The following AGMO variants were observed in gnomAD, a reference collection of about 807,000 sequenced individuals.
The protein encoded by AGMO is glyceryl-ether monooxygenase.
In AGMO, 75 loss-of-function variants were observed where a neutral mutation model predicts 60.2. That is an observed-to-expected ratio of 1.25 (90% CI 1.03 to 1.51). The LOEUF is 1.51. Ranked by LOEUF, AGMO falls within the 40% of genes most tolerant of loss-of-function variation. The pLI, the probability that AGMO is intolerant of heterozygous loss-of-function variation, is 0.00. For missense variants in AGMO, 763 were observed against 525.5 expected (o/e 1.45, Z -4.42); for synonymous variants, 261 against 177.1 (o/e 1.47, Z -3.76).
intron 3 of AGMO, among the ~76,000 whole-genome samples, chr7:15,463,512 A>T (rs549698704): frequency 1.3e-5 from 2 of 152,334 alleles, no homozygotes; most frequent in Admixed American, 1.3e-4. Flanking sequence ...GTTGTCCTTA[A>T]GATTCTACAG....
chr7:15,204,977 A>T (rs1442885475), intron 12 of AGMO, among the ~76,000 whole-genome samples: 1 of 152,092 alleles, frequency 6.6e-6, no homozygotes, highest in Non-Finnish European at 1.5e-5. Flanking sequence ...GGGACATATC[A>T]TCTCACCCAG....
In AGMO at chr7:15,493,364, TC is replaced by T. The variant is rs1382823879; in HGVS notation, c.409+51407del. Among the ~76,000 whole-genome samples the T allele has an allele frequency of 4.1e-3, 119 of 28,954 alleles. 9 individuals are homozygous for T. The highest frequency in any genetic ancestry group is 0.022 in the African/African-American group (98 of 4,384). 19.0% of individuals were successfully genotyped at this position (28,954 alleles called of 152,430 possible). ...ACACACACACACACACACACACACT[TC>T]TTTTTTTTTTTTTTTTTTTTTTTTT... is the stretch of plus-strand genomic sequence containing the variant. On this transcript the variant is annotated intron_variant, in intron 3 of 12. Transcript: ENST00000342526.
chr7:15,395,816 CTCTT>C (rs1784352375), intron 5 of AGMO, among the ~76,000 whole-genome samples: 1 of 152,154 alleles, frequency 6.6e-6, no homozygotes, highest in African/African-American at 2.4e-5. Context: ...TAATACAAAA[CTCTT>C]TATCTAGGAG....
chr7:15,320,877 A>C (rs1221256678), intron 12 of AGMO, among the ~76,000 whole-genome samples: 1 of 152,204 alleles, frequency 6.6e-6, no homozygotes, highest in African/African-American at 2.4e-5. Context: ...TGGATGGTAT[A>C]ACTTTAGTTT....
the AGMO span, among the ~76,000 whole-genome samples, chr7:15,195,215 T>C: frequency 4.6e-5 from 7 of 152,158 alleles, no homozygotes; most frequent in African/African-American, 1.7e-4. Flanking sequence ...GATAGATACC[T>C]GAGGTTCCTT....
intron 12 of AGMO, among the ~76,000 whole-genome samples, chr7:15,274,896 T>C (rs1442238878): frequency 3.3e-5 from 5 of 152,026 alleles, no homozygotes; most frequent in African/African-American, 9.7e-5. Flanking sequence ...TCAGTTGTAA[T>C]GTCACCTTTA....
At position 15,507,287 on chromosome 7, in the gene AGMO, T is replaced by C. The variant is rs116221706; in HGVS notation, c.409+37485A>G. On this transcript the variant is annotated intron_variant, in intron 3 of 12. Coordinates refer to ENST00000342526, the MANE Select transcript of AGMO (RefSeq NM_001004320.2). Reference sequence around the variant, plus strand: ...ATTATCAACATAGGGATGGGTAGCATGAATATCAATACTAACATTGCAAAA... The same window carrying C: ...ATTATCAACATAGGGATGGGTAGCACGAATATCAATACTAACATTGCAAAA... Among the ~76,000 whole-genome samples, 474 of 152,036 alleles carry C rather than the reference T, an allele frequency of 3.1e-3. 4 individuals are homozygous for C. Among genetic ancestry groups the C allele is most frequent in the African/African-American group, 0.011 (441 of 41,488 alleles).
chr7:15,251,028 T>C (rs1254263371), intron 12 of AGMO, among the ~76,000 whole-genome samples: 4 of 152,074 alleles, frequency 2.6e-5, no homozygotes, highest in African/African-American at 4.8e-5. Context: ...CTTATACATA[T>C]ACAAAATACA....
chr7:15,272,503 C>T (rs1006650592), intron 12 of AGMO, among the ~76,000 whole-genome samples: 1 of 151,872 alleles, frequency 6.6e-6, no homozygotes, highest in African/African-American at 2.4e-5. Context: ...TGTATATGTG[C>T]CTCATTTTCT....
chr7:15,278,932 C>T (rs181003194), intron 12 of AGMO, among the ~76,000 whole-genome samples: 7 of 152,208 alleles, frequency 4.6e-5, no homozygotes, highest in African/African-American at 9.6e-5. Context: ...GTTGGGGAGG[C>T]GGGGAGTCGT....
At chr7:15,270,445 C>A (rs1783563489) in intron 12 of AGMO, among the ~76,000 whole-genome samples, 1 of 151,762 alleles carries the variant, frequency 6.6e-6, no homozygotes, top group African/African-American at 2.4e-5. Flanking sequence ...CTGTTCATGT[C>A]CTTTGCCCAG....
intron 3 of AGMO, among the ~76,000 whole-genome samples, chr7:15,476,613 G>A (rs1782599867): frequency 1.3e-5 from 2 of 152,102 alleles, no homozygotes; most frequent in South Asian, 2.1e-4. Flanking sequence ...TAGTGAATAA[G>A]TCTTTCTGTT....
At position 15,539,577 on chromosome 7, in the gene AGMO, T is replaced by C. The variant is rs548035976; in HGVS notation, c.409+5195A>G. On this transcript the variant is annotated intron_variant, in intron 3 of 12. Coordinates refer to ENST00000342526, the MANE Select transcript of AGMO (RefSeq NM_001004320.2). ...TTATATTTATTCCATGTCTTTGCTA[T>C]TGTGAATAGTGCTGCATTGAACATA... 7.9e-5 allele frequency among the ~76,000 whole-genome samples: 12 copies of C among 152,352 alleles called. No homozygotes were observed. In the South Asian group the frequency reaches 1.7e-3, roughly 21 times the overall value.
intron 10 of AGMO, among the ~76,000 whole-genome samples, chr7:15,377,100 A>T (rs544367825): frequency 9.2e-5 from 14 of 152,194 alleles, no homozygotes; most frequent in African/African-American, 3.4e-4. Flanking sequence ...GGCTACAGTG[A>T]ATCTGGAAAA....
At chr7:15,177,293 G>C in the AGMO span, among the ~76,000 whole-genome samples, 2 of 151,860 alleles carry the variant, frequency 1.3e-5, no homozygotes, top group Non-Finnish European at 2.9e-5. Flanking sequence ...ATGTTTCTTT[G>C]TTTGTTTGCA....
the AGMO span, among the ~76,000 whole-genome samples, chr7:15,133,648 T>C: frequency 8.5e-5 from 13 of 152,168 alleles, no homozygotes; most frequent in Middle Eastern, 3.4e-3. Flanking sequence ...ACTTAAACAA[T>C]TGAAGCTACG....
the AGMO span, among the ~76,000 whole-genome samples, chr7:15,166,205 G>C: frequency 6.6e-6 from 1 of 152,158 alleles, no homozygotes; most frequent in South Asian, 2.1e-4. Context: ...GTGGTGCTGA[G>C]TGAGAAGAGG....
At chr7:15,339,605 T>C (rs1046564507) in intron 12 of AGMO, among the ~76,000 whole-genome samples, 3 of 152,220 alleles carry the variant, frequency 2.0e-5, no homozygotes, top group African/African-American at 7.2e-5. Context: ...TTATGCAGAA[T>C]GTCAGGGCAG....
chr7:15,393,388 T>C (rs1461539787), intron 6 of AGMO, among the ~76,000 whole-genome samples: 8 of 152,392 alleles, frequency 5.2e-5, no homozygotes, highest in African/African-American at 1.9e-4. Context: ...GATTTATTCA[T>C]GCCCTTGCAT....
Sources: allele counts gnomAD v4.1 joint callset (sites outside exome capture counted in the v4.1 genomes callset), GRCh38; gene constraint gnomAD v4.1.1; transcripts MANE v1.5; gene names NCBI Gene and HGNC (gene_info 2026-07-23, HGNC 2026-07-21).